SDK1: variants seen among roughly 807,000 people sequenced by gnomAD.
SDK1 encodes sidekick cell adhesion molecule 1.
A neutral mutation model predicts 245.5 loss-of-function variants in SDK1; 157 were observed. The observed-to-expected ratio is 0.64, with a 90% CI of 0.56 to 0.73. The LOEUF is 0.73. Ranked by LOEUF, SDK1 falls within the 30% of genes least tolerant of loss-of-function variation. SDK1 has a pLI of 0.00. For missense variants in SDK1, 3,583 were observed against 3,002.3 expected (o/e 1.19, Z -4.52); for synonymous variants, 1,647 against 1,278.5 (o/e 1.29, Z -6.15).
intron 4 of SDK1, among the ~76,000 whole-genome samples, chr7:3,676,488 G>C (rs958713182): frequency 2.6e-5 from 4 of 152,042 alleles, no homozygotes; most frequent in African/African-American, 9.7e-5. Flanking sequence ...ACCACGCCCA[G>C]CTAATTTTTT....
intron 5 of SDK1, among the ~76,000 whole-genome samples, chr7:3,821,998 G>T (rs148830235): frequency 6.6e-6 from 1 of 152,210 alleles, no homozygotes; most frequent in African/African-American, 2.4e-5. Context: ...CTATTAAGTT[G>T]TACGAAAATT....
chr7:3,598,657 C>T (rs1781150104), intron 1 of SDK1, among the ~76,000 whole-genome samples: 1 of 152,190 alleles, frequency 6.6e-6, no homozygotes. Context: ...CTAATCCCTT[C>T]TCTATTTCTA....
intron 35 of SDK1, among the ~76,000 whole-genome samples, chr7:4,189,270 T>G (rs1783056738): frequency 6.7e-6 from 1 of 149,578 alleles, no homozygotes; most frequent in African/African-American, 2.6e-5. Context: ...TTGCGGCGGT[T>G]GCTGTGAGCC....
chr7:4,079,569 G>T lies in SDK1; in HGVS notation c.3309G>T (p.Trp1103Cys). ...ACGGGAAAACGTCCATCTCCAGGTG[G>T]ATTGTTGAGGGGCAGGTACGTGTGT... ...GYDGKTSISR[W>C]IVEGQVGAIG... is the part of the protein sequence containing the mutation. The change falls in exon 22 of 45, where the codon TGG (tryptophan) becomes TGT (cysteine). Residue 1103 changes from tryptophan to cysteine, a missense_variant. Coordinates refer to ENST00000404826, the MANE Select transcript of SDK1 (RefSeq NM_152744.4). The T allele has an allele frequency of 6.2e-7, 1 of 1,614,228 alleles. No individual in the cohort carries two copies. Among genetic ancestry groups the T allele is most frequent in the Non-Finnish European group, 8.5e-7 (1 of 1,180,038 alleles).
intron 1 of SDK1, among the ~76,000 whole-genome samples, chr7:3,553,106 CT>C (rs1364140394): frequency 6.6e-6 from 1 of 152,044 alleles, no homozygotes; most frequent in African/African-American, 2.4e-5. Context: ...TCTTTCTGGT[CT>C]TTCCTATTCA....
At chr7:3,672,038 G>A (rs1426296757) in intron 4 of SDK1, among the ~76,000 whole-genome samples, 2 of 152,110 alleles carry the variant, frequency 1.3e-5, no homozygotes, top group African/African-American at 4.8e-5. Flanking sequence ...CTGAAGTCCT[G>A]GCGGCCTCTG....
intron 1 of SDK1, among the ~76,000 whole-genome samples, chr7:3,391,635 A>AT (rs10667421): frequency 0.31 from 40,746 of 130,274 alleles, 6,748 homozygotes; most frequent in East Asian, 0.39. Context: ...CTGTTAACTG[A>AT]TTTTTTTTTT....
chr7:3,953,888 A>C (rs1188869841), intron 7 of SDK1, among the ~76,000 whole-genome samples: 3 of 152,162 alleles, frequency 2.0e-5, no homozygotes, highest in African/African-American at 7.2e-5. Context: ...TGGTTGGCGC[A>C]CACTGCAAAA....
chr7:3,722,268 C>T (rs988324591), intron 4 of SDK1, among the ~76,000 whole-genome samples: 6 of 152,118 alleles, frequency 3.9e-5, no homozygotes, highest in African/African-American at 1.4e-4. Flanking sequence ...TCGGAGACCA[C>T]GTCCTATGCC....
At chr7:3,801,868 A>G (rs992052970) in intron 4 of SDK1, among the ~76,000 whole-genome samples, 6 of 152,210 alleles carry the variant, frequency 3.9e-5, no homozygotes, top group Admixed American at 3.9e-4. Flanking sequence ...AAACTCCAAC[A>G]TTTGTGTCTC....
chr7:3,779,815 C>G (rs1304520053), intron 4 of SDK1, among the ~76,000 whole-genome samples: 1 of 151,830 alleles, frequency 6.6e-6, no homozygotes, highest in Non-Finnish European at 1.5e-5. Context: ...GCCTGTAGTC[C>G]CAGCTACTCG....
intron 17 of SDK1, among the ~76,000 whole-genome samples, chr7:4,043,836 A>G (rs1190850971): frequency 6.6e-6 from 1 of 151,874 alleles, no homozygotes; most frequent in Non-Finnish European, 1.5e-5. Flanking sequence ...GAAACCCCAG[A>G]GCTAAACCTA....
At chr7:3,713,185 G>A (rs903925551) in intron 4 of SDK1, among the ~76,000 whole-genome samples, 3 of 152,190 alleles carry the variant, frequency 2.0e-5, no homozygotes, top group Admixed American at 1.3e-4. Flanking sequence ...AGCTGAGTCC[G>A]GCTGCTCAGC....
intron 1 of SDK1, among the ~76,000 whole-genome samples, chr7:3,430,588 T>G (rs1388576423): frequency 6.6e-6 from 1 of 152,214 alleles, no homozygotes; most frequent in Non-Finnish European, 1.5e-5. Flanking sequence ...TCCTGTCCTA[T>G]GTGACAGTCT....
intron 4 of SDK1, among the ~76,000 whole-genome samples, chr7:3,737,859 C>T (rs182087670): frequency 7.2e-4 from 109 of 152,298 alleles, no homozygotes; most frequent in Non-Finnish European, 1.3e-3. Context: ...GTCTAGTGCT[C>T]TACCAGACTG....
In SDK1 at chr7:4,067,955, CAA is replaced by C. The variant is rs907450654; in HGVS notation, c.3010+24_3010+25del. 2 of 1,550,828 alleles carry C rather than the reference CAA, an allele frequency of 1.3e-6. No homozygotes were observed. Among genetic ancestry groups the C allele is most frequent in the African/African-American group, 1.4e-5 (1 of 73,200 alleles). ...ATTACTGGTAAGTAGGCCTGTCCTT[CAA>C]AAAAGGAAAAGATAAGTTTGTCCTC... is the stretch of plus-strand genomic sequence containing the variant. On this transcript the variant is annotated intron_variant, in intron 20 of 44. Coordinates refer to ENST00000404826, the MANE Select transcript of SDK1 (RefSeq NM_152744.4).
At chr7:3,889,751 A>G (rs1403769961) in intron 5 of SDK1, among the ~76,000 whole-genome samples, 2 of 151,674 alleles carry the variant, frequency 1.3e-5, no homozygotes, top group African/African-American at 2.4e-5. Flanking sequence ...CTCGTGATCC[A>G]CCCTCCTCGA....
intron 4 of SDK1, among the ~76,000 whole-genome samples, chr7:3,762,036 G>A (rs866171436): frequency 1.3e-5 from 2 of 152,176 alleles, no homozygotes; most frequent in African/African-American, 4.8e-5. Context: ...GTGTATCTGA[G>A]CATATCTTTA....
chr7:3,932,620 G>A (rs1013591523), intron 5 of SDK1, among the ~76,000 whole-genome samples: 2 of 152,206 alleles, frequency 1.3e-5, no homozygotes, highest in African/African-American at 4.8e-5. Flanking sequence ...TGACACCCAA[G>A]GGTAAGTCTG....
Sources: allele counts gnomAD v4.1 joint callset (sites outside exome capture counted in the v4.1 genomes callset), GRCh38; gene constraint gnomAD v4.1.1; transcripts MANE v1.5; gene names NCBI Gene and HGNC (gene_info 2026-07-23, HGNC 2026-07-21).